The following ROCK2 variants were observed in gnomAD, a reference collection of about 807,000 sequenced individuals.
ROCK2 encodes rho-associated protein kinase 2.
ROCK2 carries 61 observed loss-of-function variants against 195.1 expected under a neutral mutation model. The observed-to-expected ratio is 0.31, with a 90% CI of 0.25 to 0.39. The LOEUF (loss-of-function observed/expected upper bound fraction) is 0.39, where lower values mean the gene tolerates loss of function less well. Ranked by LOEUF, ROCK2 falls within the 10% of genes least tolerant of loss-of-function variation. The pLI is 1.00. For missense variants in ROCK2, 1,109 were observed against 1,637.4 expected (o/e 0.68, Z 5.57); for synonymous variants, 504 against 545.5 (o/e 0.92, Z 1.06).
At chr2:11,214,570 G>A (rs1664360627) in intron 16 of ROCK2, 107 bp from the exon 17 acceptor site, 2 of 711,886 alleles carry the variant, frequency 2.8e-6, no homozygotes, top group African/African-American at 1.8e-5. Context: ...TGTTGTTTGT[G>A]AGCAGAAGTT....
intron 1 of ROCK2, among the ~76,000 whole-genome samples, chr2:11,342,985 G>GT (rs1353032769): frequency 6.6e-6 from 1 of 152,192 alleles, no homozygotes; most frequent in Non-Finnish European, 1.5e-5. Flanking sequence ...TCATCATACA[G>GT]TAAGGTTTAT....
chr2:11,318,203 G>A (rs1668286506), intron 1 of ROCK2, among the ~76,000 whole-genome samples: 1 of 152,094 alleles, frequency 6.6e-6, no homozygotes, highest in South Asian at 2.1e-4. Flanking sequence ...CTTCCACAAT[G>A]GTTGAACTAG....
chr2:11,235,990 T>A lies in ROCK2; in HGVS notation c.463-28A>T. 1.4e-6 allele frequency: 2 copies of A among 1,446,452 alleles called. No individual in the cohort carries two copies. Among genetic ancestry groups the A allele is most frequent in the Non-Finnish European group, 1.8e-6 (2 of 1,097,224 alleles). 89.6% of individuals were successfully genotyped at this position (1,446,452 alleles called of 1,614,324 possible). A position where few individuals can be genotyped will look rare whatever the true frequency, so the allele number is the denominator to read the frequency against. The stretch of plus-strand genomic sequence containing the variant: ...GGAAAACAAAAGGAAAAGGAAAAAT[T>A]TTTAAAAACCCAAACCAAAAATCAT... On this transcript the variant is annotated intron_variant, in intron 4 of 32. Transcript: ENST00000315872. This position sits in a 1 kb window ranked among gnomAD's most constrained non-coding sequence, Gnocchi z 4.2.
intron 20 of ROCK2, among the ~76,000 whole-genome samples, chr2:11,202,826 A>G (rs11901643): frequency 0.076 from 11,572 of 152,140 alleles, 656 homozygotes; most frequent in African/African-American, 0.16. Context: ...AAGAGTATAA[A>G]GGGGTTCTGA....
chr2:11,293,908 C>T (rs1430836748), intron 1 of ROCK2, among the ~76,000 whole-genome samples: 1 of 152,078 alleles, frequency 6.6e-6, no homozygotes, highest in African/African-American at 2.4e-5. Flanking sequence ...CCTGTAATCC[C>T]AGCACTCTGG....
chr2:11,197,813 T>C lies in ROCK2; in HGVS notation c.3100-108A>G, dbSNP rs1663696445. The C allele has an allele frequency of 3.2e-6, 2 of 626,288 alleles. No individual in the cohort carries two copies. The highest frequency in any genetic ancestry group is 3.3e-5 in the East Asian group (1 of 30,686). 38.8% of individuals were successfully genotyped at this position (626,288 alleles called of 1,614,324 possible). A position where few individuals can be genotyped will look rare whatever the true frequency, so the allele number is the denominator to read the frequency against. ...AGTTATACAATCACAAATACTCTCC[T>C]TCCCTACATACAGGGCTACAAAGAA... is the stretch of plus-strand genomic sequence containing the variant. On this transcript the variant is annotated intron_variant, in intron 25 of 32. Coordinates refer to ENST00000315872, the MANE Select transcript of ROCK2 (RefSeq NM_004850.5). The surrounding 1 kb of genome is among the most constrained non-coding windows in gnomAD (Gnocchi z 4.9).
At chr2:11,250,301 G>GT (rs1448835451) in intron 3 of ROCK2, among the ~76,000 whole-genome samples, 5 of 151,968 alleles carry the variant, frequency 3.3e-5, no homozygotes, top group Non-Finnish European at 7.4e-5. Context: ...TAATTAAAGG[G>GT]TTTTTTTGTT....
chr2:11,307,688 T>G (rs564063585), intron 1 of ROCK2, among the ~76,000 whole-genome samples: 1 of 152,154 alleles, frequency 6.6e-6, no homozygotes, highest in Non-Finnish European at 1.5e-5. Context: ...AAATGAAACA[T>G]ACCAAAAAGA....
chr2:11,261,337 G>A (rs905306296), intron 3 of ROCK2, among the ~76,000 whole-genome samples: 1 of 152,208 alleles, frequency 6.6e-6, no homozygotes, highest in African/African-American at 2.4e-5. Flanking sequence ...CTTTAGCAAA[G>A]CTGGTTTCCA....
chr2:11,197,135 G>A lies in ROCK2; in HGVS notation c.3448+45C>T, dbSNP rs1005968580. 2 of 1,394,666 alleles carry A rather than the reference G, an allele frequency of 1.4e-6. No individual in the cohort carries two copies. The highest frequency in any genetic ancestry group is 1.9e-6 in the Non-Finnish European group (2 of 1,031,914). 86.4% of individuals were successfully genotyped at this position (1,394,666 alleles called of 1,614,324 possible). ...GTCGCAAGACTTAAAACAATCAACTGATTTATATTTAAGATAAATATTAGT... is the reference window on the plus strand; with the variant it reads ...GTCGCAAGACTTAAAACAATCAACTAATTTATATTTAAGATAAATATTAGT... On this transcript the variant is annotated intron_variant, in intron 27 of 32. Coordinates refer to ENST00000315872, the MANE Select transcript of ROCK2 (RefSeq NM_004850.5). The surrounding 1 kb of genome is among the most constrained non-coding windows in gnomAD (Gnocchi z 4.9).
chr2:11,198,393 G>A lies in ROCK2; in HGVS notation c.3099+98C>T, dbSNP rs993593774. 60 of 808,070 alleles carry A rather than the reference G, an allele frequency of 7.4e-5. No homozygotes were observed. The East Asian group carries it at 1.2e-3, about 16-fold the overall frequency. The allele number at this position is 808,070 out of a possible 1,614,324, so 50.1% of individuals were successfully genotyped here. A position where few individuals can be genotyped will look rare whatever the true frequency, so the allele number is the denominator to read the frequency against. On this transcript the variant is annotated intron_variant, in intron 25 of 32. Transcript: ENST00000315872. ...TGACTTCACAAATATTGGTACATTC[G>A]ATGACTACTGCTACCAATTTGTAAT... is the stretch of plus-strand genomic sequence containing the variant.
intron 25 of ROCK2, 57 bp downstream of exon 25, chr2:11,198,434 T>TA: frequency 2.5e-6 from 3 of 1,200,750 alleles, no homozygotes; most frequent in Non-Finnish European, 3.7e-6. Context: ...AAGTAAAATG[T>TA]AAAAGAGATA....
At chr2:11,200,664 G>T (rs537944140) in intron 23 of ROCK2, among the ~76,000 whole-genome samples, 1 of 151,822 alleles carries the variant, frequency 6.6e-6, no homozygotes, top group South Asian at 2.1e-4. Context: ...CAACCTGCAC[G>T]GAACTGTTTT....
intron 25 of ROCK2, 37 bp downstream of exon 25, chr2:11,198,454 A>G: frequency 7.1e-7 from 1 of 1,414,694 alleles, no homozygotes; most frequent in Non-Finnish European, 9.9e-7. Context: ...AAACTGAGAC[A>G]AAATTCAAAA....
chr2:11,303,571 A>C (rs1460670541), intron 1 of ROCK2, among the ~76,000 whole-genome samples: 1 of 152,136 alleles, frequency 6.6e-6, no homozygotes, highest in East Asian at 1.9e-4. Flanking sequence ...CTACTTGATT[A>C]CTGCCATTGG....
intron 1 of ROCK2, among the ~76,000 whole-genome samples, chr2:11,339,330 C>A (rs1476441180): frequency 6.6e-6 from 1 of 152,014 alleles, no homozygotes; most frequent in African/African-American, 2.4e-5. Context: ...TGTTCACTGT[C>A]GATTTTTTCA....
In ROCK2 at chr2:11,232,017, CT is replaced by C. The variant is rs1246434440; in HGVS notation, c.723+3684del. On this transcript the variant is annotated intron_variant, in intron 5 of 32. Transcript: ENST00000315872. ...AGGGTCTCCGTCACATATTTTTCTT[CT>C]TTTTTTTAAACAAACTTTTAAAAAT... Among the ~76,000 whole-genome samples the C allele has an allele frequency of 3.3e-5, 5 of 151,760 alleles. No individual in the cohort carries two copies. The East Asian group carries it at 5.8e-4, about 18-fold the overall frequency.
At chr2:11,338,654 C>A (rs1669009413) in intron 1 of ROCK2, among the ~76,000 whole-genome samples, 1 of 151,976 alleles carries the variant, frequency 6.6e-6, no homozygotes, top group African/African-American at 2.4e-5. Flanking sequence ...CACCAAGGGA[C>A]CAGTGTACAT....
chr2:11,191,487 A>C (rs538735792), intron 32 of ROCK2, among the ~76,000 whole-genome samples: 50 of 152,292 alleles, frequency 3.3e-4, no homozygotes, highest in African/African-American at 1.1e-3. Flanking sequence ...TACTGTTTTA[A>C]ATTTATAGAT....
Sources: allele counts gnomAD v4.1 joint callset (sites outside exome capture counted in the v4.1 genomes callset), GRCh38; gene constraint gnomAD v4.1.1; non-coding constraint Gnocchi (gnomAD v3.1); transcripts MANE v1.5; gene names NCBI Gene and HGNC (gene_info 2026-07-23, HGNC 2026-07-21).